The following PCDHGB3 variants were observed in gnomAD, a reference collection of about 807,000 sequenced individuals.
PCDHGB3 encodes protocadherin gamma subfamily B, 3, also known as protocadherin gamma-B3.
PCDHGB3 carries 40 observed loss-of-function variants against 59.2 expected under a neutral mutation model. That is an observed-to-expected ratio of 0.68 (90% confidence interval 0.52 to 0.88). The LOEUF is 0.88. PCDHGB3 is among the 40% of genes least tolerant of loss of function. The pLI is 0.00. For missense variants in PCDHGB3, 1,309 were observed against 1,187.9 expected, an observed-to-expected ratio of 1.10 and a Z score of -1.50; for synonymous variants, 581 against 503.6, an observed-to-expected ratio of 1.15 and a Z score of -2.06.
intron 1 of PCDHGB3, chr5:141,468,541 A>G (rs1407685120): frequency 6.6e-6 from 1 of 152,076 alleles, no homozygotes. Context: ...GTTTCCTGAC[A>G]TATTTAACAT....
intron 1 of PCDHGB3, among the ~76,000 whole-genome samples, chr5:141,482,771 A>ACCTAAAATCTCAAACAC (rs1168136626): frequency 4.9e-5 from 7 of 141,414 alleles, no homozygotes; most frequent in African/African-American, 8.5e-5. Flanking sequence ...ATTATCACTG[A>ACCTAAAATCTCAAACAC]ACCTTAAACT....
intron 1 of PCDHGB3, chr5:141,383,991 A>G: frequency 6.2e-7 from 1 of 1,613,866 alleles, no homozygotes; most frequent in Non-Finnish European, 8.5e-7. Context: ...CTCTTGGGAC[A>G]GTCATTGCTC....
chr5:141,383,108 G>A, intron 1 of PCDHGB3: 2 of 1,614,020 alleles, frequency 1.2e-6, no homozygotes, highest in African/African-American at 2.7e-5. Flanking sequence ...ATCTCCAGAG[G>A]TAGGACGCAG....
In PCDHGB3 at chr5:141,387,802, G is replaced by A. The variant is rs916959942; in HGVS notation, c.2415+14993G>A. 2.0e-6 allele frequency: 3 copies of A among 1,511,984 alleles called. No homozygotes were observed. The Admixed American group carries it at 7.0e-5, about 35-fold the overall frequency. 93.7% of individuals were successfully genotyped at this position (1,511,984 alleles called of 1,614,324 possible). On this transcript the variant is annotated intron_variant, in intron 1 of 3. Coordinates refer to ENST00000576222, the MANE Select transcript of PCDHGB3 (RefSeq NM_018924.5). ...CTGGAACTGCAACTAAAGTCCGTTC[G>A]GAGATCCAAAAATCTGCAATACAGA...
At chr5:141,454,789 G>T (rs1368681394) in intron 1 of PCDHGB3, among the ~76,000 whole-genome samples, 1 of 129,576 alleles carries the variant, frequency 7.7e-6, no homozygotes, top group African/African-American at 3.1e-5. Flanking sequence ...AATCCTCCAT[G>T]GTTCTAATTT....
At chr5:141,483,812 A>C (rs1188806533) in intron 1 of PCDHGB3, among the ~76,000 whole-genome samples, 2 of 152,162 alleles carry the variant, frequency 1.3e-5, no homozygotes, top group Non-Finnish European at 2.9e-5. Context: ...TTTTTTTGGC[A>C]GCCAGTGTAA....
rs780564010 is a variant in PCDHGB3, at chr5:141,371,619, G to A, written c.1225G>A (p.Ala409Thr). The change falls in exon 1 of 4, where the codon GCC becomes ACC. Residue 409 changes from alanine (A) to threonine (T), a missense_variant. By Grantham distance (58) the Ala-to-Thr change is moderately conservative (BLOSUM62 0). Coordinates refer to ENST00000576222, the MANE Select transcript of PCDHGB3 (RefSeq NM_018924.5). ...KNTYRLVTDGALDREQIPEYN... is the reference protein window; with the variant it reads ...KNTYRLVTDGTLDREQIPEYN... ...CACATACAGGTTGGTGACAGATGGA[G>A]CCCTGGACCGGGAGCAGATCCCAGA... is the stretch of plus-strand genomic sequence containing the variant. The A allele has an allele frequency of 1.5e-5, 25 of 1,613,894 alleles. No individual in the cohort carries two copies. The highest frequency in any genetic ancestry group is 2.1e-5 in the Non-Finnish European group (25 of 1,179,906).
chr5:141,391,553 T>G (rs2150453893), intron 1 of PCDHGB3: 1 of 152,348 alleles, frequency 6.6e-6, no homozygotes, highest in South Asian at 2.1e-4. Context: ...CTACCCAGTT[T>G]TCCATATGCA....
At chr5:141,384,645 A>G in intron 1 of PCDHGB3, 1 of 1,614,218 alleles carries the variant, frequency 6.2e-7, no homozygotes, top group Non-Finnish European at 8.5e-7. Flanking sequence ...CCCGCTCCGC[A>G]GAGCCCGGCT....
At chr5:141,379,257 AG>A (rs1177830899) in intron 1 of PCDHGB3, 8 of 152,234 alleles carry the variant, frequency 5.3e-5, no homozygotes, top group Non-Finnish European at 1.2e-4. Flanking sequence ...TTTACATTTA[AG>A]GAATTGTTAT....
At chr5:141,418,124 C>A (rs762154093) in intron 1 of PCDHGB3, 33 of 1,613,836 alleles carry the variant, frequency 2.0e-5, no homozygotes, top group East Asian at 1.3e-4. Flanking sequence ...TGTGAAGGAC[C>A]GAATAGACCG....
chr5:141,427,817 G>A, intron 1 of PCDHGB3: 2 of 1,528,134 alleles, frequency 1.3e-6, no homozygotes, highest in Non-Finnish European at 1.8e-6. Flanking sequence ...AGAGCGGGGT[G>A]GTGGTCGCGC....
rs915257485 is a variant in PCDHGB3, at chr5:141,476,018, A to T, written c.2416-18789A>T. ...AACGGCATCCAGAAAGCCATGTCGG[A>T]CTCGGCGCCCAGCGCCCAAGCGCTA... On this transcript the variant is annotated intron_variant, in intron 1 of 3. Transcript: ENST00000576222. This position sits in a 1 kb window ranked among gnomAD's most constrained non-coding sequence, Gnocchi z 7.6. The T allele has an allele frequency of 5.8e-6, 8 of 1,371,412 alleles. No homozygotes were observed. Among genetic ancestry groups the T allele is most frequent in the Non-Finnish European group, 7.9e-6 (8 of 1,016,908 alleles). The allele number at this position is 1,371,412 out of a possible 1,614,324, so 85.0% of individuals were successfully genotyped here.
At position 141,436,288 on chromosome 5, in the gene PCDHGB3, C is replaced by T. The variant is rs533281663; in HGVS notation, c.2416-58519C>T. On this transcript the variant is annotated intron_variant, in intron 1 of 3. Coordinates refer to ENST00000576222, the MANE Select transcript of PCDHGB3 (RefSeq NM_018924.5). ...CACCTAACTTGATTTAGGAACAAATCATTGAGAGTTAGAGCATGAATAGTC... is the reference window on the plus strand; with the variant it reads ...CACCTAACTTGATTTAGGAACAAATTATTGAGAGTTAGAGCATGAATAGTC... 3.9e-3 allele frequency among the ~76,000 whole-genome samples: 590 copies of T among 152,274 alleles called. 9 individuals are homozygous for T. Among genetic ancestry groups the T allele is most frequent in the Middle Eastern group, 0.01 (3 of 294 alleles).
In PCDHGB3 at chr5:141,490,598, G is replaced by A. The variant is rs141484080; in HGVS notation, c.2416-4209G>A. On this transcript the variant is annotated intron_variant, in intron 1 of 3. Transcript: ENST00000576222. This position sits in a 1 kb window ranked among gnomAD's most constrained non-coding sequence, Gnocchi z 5.4. ...TCAGATGTCAATGACAATGCACCCC[G>A]CTTCAACCAGCAGCTTTACACTGCT... 309 of 1,614,062 alleles carry A rather than the reference G, an allele frequency of 1.9e-4. 2 individuals carry two copies. Among genetic ancestry groups the A allele is most frequent in the Admixed American group, 5.0e-4 (30 of 60,018 alleles).
At chr5:141,480,859 A>G (rs1197372110) in intron 1 of PCDHGB3, among the ~76,000 whole-genome samples, 2 of 152,178 alleles carry the variant, frequency 1.3e-5, no homozygotes, top group Non-Finnish European at 2.9e-5. Context: ...AGCCTGGCCA[A>G]TATGGTGAAA....
At chr5:141,383,064 G>A (rs1384491005) in intron 1 of PCDHGB3, 1 of 1,613,928 alleles carries the variant, frequency 6.2e-7, no homozygotes, top group Non-Finnish European at 8.5e-7. Flanking sequence ...TGGGGCTGGA[G>A]CCCCGGGAGC....
intron 1 of PCDHGB3, among the ~76,000 whole-genome samples, chr5:141,471,992 C>T (rs2099268578): frequency 6.6e-6 from 1 of 152,070 alleles, no homozygotes; most frequent in Non-Finnish European, 1.5e-5. Flanking sequence ...TATTAAAAAT[C>T]CCTGCATCGT....
chr5:141,423,877 C>G, intron 1 of PCDHGB3: 1 of 1,283,890 alleles, frequency 7.8e-7, no homozygotes, highest in South Asian at 3.4e-5. Flanking sequence ...ATTTTTCAAT[C>G]TTGGCATATT....
Sources: allele counts gnomAD v4.1 joint callset (sites outside exome capture counted in the v4.1 genomes callset), GRCh38; gene constraint gnomAD v4.1.1; non-coding constraint Gnocchi (gnomAD v3.1); transcripts MANE v1.5; gene names NCBI Gene and HGNC (gene_info 2026-07-23, HGNC 2026-07-21).